PAK5: variants seen among roughly 807,000 people sequenced by gnomAD.
PAK5 encodes the protein serine/threonine-protein kinase PAK 5.
PAK5 carries 16 observed loss-of-function variants against 65.9 expected under a neutral mutation model. That is an observed-to-expected ratio of 0.24 (90% confidence interval 0.16 to 0.37). The LOEUF (loss-of-function observed/expected upper bound fraction) is 0.37, where lower values mean the gene tolerates loss of function less well. Ranked by LOEUF, PAK5 falls within the 10% of genes least tolerant of loss-of-function variation. The pLI is 1.00. For missense variants in PAK5, 785 were observed against 903.9 expected, an observed-to-expected ratio of 0.87 and a Z score of 1.69; for synonymous variants, 371 against 354.9, an observed-to-expected ratio of 1.05 and a Z score of -0.51.
intron 3 of PAK5, among the ~76,000 whole-genome samples, chr20:9,622,400 GGTACCCTAGTGGACATT>G (rs1473163319): frequency 2.0e-5 from 3 of 152,152 alleles, no homozygotes; most frequent in Admixed American, 1.3e-4. Context: ...GTATCTGGTA[GGTACCCTAGTGGACATT>G]TACATGATCA....
At chr20:9,794,555 T>C (rs371522376) in intron 1 of PAK5, among the ~76,000 whole-genome samples, 15 of 152,112 alleles carry the variant, frequency 9.9e-5, no homozygotes, top group African/African-American at 3.6e-4. Context: ...AACATTTAGT[T>C]AGAGAGCAAG....
chr20:9,773,198 G>C (rs1216690458), intron 1 of PAK5, among the ~76,000 whole-genome samples: 2 of 152,124 alleles, frequency 1.3e-5, no homozygotes, highest in Non-Finnish European at 2.9e-5. Flanking sequence ...ATCACAGAAA[G>C]AGAAGTGGCT....
chr20:9,584,124 G>A lies in PAK5; in HGVS notation c.205-3194C>T, dbSNP rs373397447. 5.4e-4 allele frequency among the ~76,000 whole-genome samples: 82 copies of A among 152,186 alleles called. 1 individual carries two copies. In the South Asian group the frequency reaches 0.016, roughly 30 times the overall value. ...ATATAACCTGGGACCTTTCCTCAGA[G>A]GAACAACATCCATCCTCACCCCACA... is the stretch of plus-strand genomic sequence containing the variant. On this transcript the variant is annotated intron_variant, in intron 3 of 9. Transcript: ENST00000353224.
chr20:9,628,517 C>A (rs970972070), intron 3 of PAK5, among the ~76,000 whole-genome samples: 3 of 152,194 alleles, frequency 2.0e-5, no homozygotes, highest in Non-Finnish European at 4.4e-5. Context: ...GCTTTCATAA[C>A]AAAATATTTA....
At position 9,588,408 on chromosome 20, in the gene PAK5, G is replaced by A. The variant is rs552059354; in HGVS notation, c.205-7478C>T. Reference sequence around the variant, plus strand: ...CTTTAAATAAAGCACACACTCTTCCGTTTCAATGAAAACTATTAGCTCAGT... The same window carrying A: ...CTTTAAATAAAGCACACACTCTTCCATTTCAATGAAAACTATTAGCTCAGT... On this transcript the variant is annotated intron_variant, in intron 3 of 9. Coordinates refer to ENST00000353224, the MANE Select transcript of PAK5 (RefSeq NM_177990.4). Among the ~76,000 whole-genome samples, 8 of 152,108 alleles carry A rather than the reference G, an allele frequency of 5.3e-5. No individual in the cohort carries two copies. In the South Asian group the frequency reaches 8.3e-4, roughly 16 times the overall value.
intron 1 of PAK5, among the ~76,000 whole-genome samples, chr20:9,783,935 A>G (rs1353949173): frequency 1.3e-5 from 2 of 152,212 alleles, no homozygotes; most frequent in Admixed American, 6.5e-5. Flanking sequence ...ATGCCATTCA[A>G]TACATTAATC....
chr20:9,801,574 T>C (rs2049169557), intron 1 of PAK5, among the ~76,000 whole-genome samples: 2 of 151,062 alleles, frequency 1.3e-5, no homozygotes, highest in Admixed American at 6.6e-5. Context: ...TTTAATAGAC[T>C]TTAATAGACT....
At chr20:9,766,478 T>C (rs1184600211) in intron 1 of PAK5, among the ~76,000 whole-genome samples, 2 of 61,622 alleles carry the variant, frequency 3.2e-5, no homozygotes, top group Admixed American at 1.7e-4. Flanking sequence ...TATATATGTA[T>C]ATATATATTC....
chr20:9,540,874 C>CT (rs1236380686), intron 9 of PAK5, among the ~76,000 whole-genome samples: 4 of 151,916 alleles, frequency 2.6e-5, no homozygotes, highest in African/African-American at 9.7e-5. Flanking sequence ...GTAGCTGGGA[C>CT]TACAGGCACC....
At chr20:9,605,787 G>A (rs917617950) in intron 3 of PAK5, among the ~76,000 whole-genome samples, 6 of 152,108 alleles carry the variant, frequency 3.9e-5, no homozygotes, top group Admixed American at 1.3e-4. Context: ...AAAATCAGCC[G>A]GGTGTGGTGG....
In PAK5 at chr20:9,568,122, C is replaced by T. The variant is rs60375217; in HGVS notation, c.991-1738G>A. Among the ~76,000 whole-genome samples the T allele has an allele frequency of 1.3e-3, 205 of 152,268 alleles. 2 individuals carry two copies. The East Asian group carries it at 0.033, about 25-fold the overall frequency. ...CAGATCATGAAGACCTTGGCAAAGA[C>T]GTTGGCTTTTGCTCCGAGTGAGGTG... On this transcript the variant is annotated intron_variant, in intron 4 of 9. Transcript: ENST00000353224.
At chr20:9,715,318 G>C (rs1375309264) in intron 1 of PAK5, among the ~76,000 whole-genome samples, 1 of 152,088 alleles carries the variant, frequency 6.6e-6, no homozygotes, top group Non-Finnish European at 1.5e-5. Flanking sequence ...CTGGCCATCA[G>C]AGAAATGCAA....
chr20:9,546,796 G>A (rs774823084), intron 7 of PAK5, among the ~76,000 whole-genome samples: 5 of 152,124 alleles, frequency 3.3e-5, no homozygotes, highest in Non-Finnish European at 5.9e-5. Flanking sequence ...AGTCAGTGGT[G>A]GAATACAGAG....
chr20:9,837,158 T>C (rs1488787290), intron 1 of PAK5, among the ~76,000 whole-genome samples: 1 of 152,246 alleles, frequency 6.6e-6, no homozygotes, highest in African/African-American at 2.4e-5. Flanking sequence ...AGGTTTTTAG[T>C]CTAAGGCCAG....
At chr20:9,649,569 G>T (rs1327617602) in intron 2 of PAK5, among the ~76,000 whole-genome samples, 1 of 152,208 alleles carries the variant, frequency 6.6e-6, no homozygotes, top group East Asian at 1.9e-4. Flanking sequence ...CCCTAACTTA[G>T]TGGGTTGCCC....
At chr20:9,612,754 G>A (rs935683346) in intron 3 of PAK5, among the ~76,000 whole-genome samples, 8 of 151,918 alleles carry the variant, frequency 5.3e-5, no homozygotes, top group South Asian at 2.1e-4. Context: ...CCCCAGAGGC[G>A]CTCCCTCAAC....
intron 3 of PAK5, among the ~76,000 whole-genome samples, chr20:9,627,351 A>G (rs2046858443): frequency 6.6e-6 from 1 of 152,184 alleles, no homozygotes; most frequent in Non-Finnish European, 1.5e-5. Context: ...TTTCCAGCCA[A>G]TGAGGTTTCC....
rs1307093579 is a variant in PAK5 at position 9,538,155 on chromosome 20, C to CA, written c.*1306dup. 10 of 233,282 alleles carry CA rather than the reference C, an allele frequency of 4.3e-5. No individual in the cohort carries two copies. The highest frequency in any genetic ancestry group is 6.8e-5 in the Non-Finnish European group (8 of 117,902). The allele number at this position is 233,282 out of a possible 1,614,324, so 14.5% of individuals were successfully genotyped here. ...ATGCAAATTCATCCAACAAGCAACACAAAATGTATTGTAGTAGTCATTCAT... is the reference window on the plus strand; with the variant it reads ...ATGCAAATTCATCCAACAAGCAACACAAAAATGTATTGTAGTAGTCATTCAT... On this transcript the variant is annotated 3_prime_UTR_variant, in exon 10 of 10. Transcript: ENST00000353224.
At chr20:9,596,635 C>CAAAAAAAAA (rs35576059) in intron 3 of PAK5, among the ~76,000 whole-genome samples, 2 of 52,816 alleles carry the variant, frequency 3.8e-5, no homozygotes, top group Non-Finnish European at 7.6e-5. Flanking sequence ...GACTCCGTCT[C>CAAAAAAAAA]AAAAAAAAAA....
Sources: allele counts gnomAD v4.1 joint callset (sites outside exome capture counted in the v4.1 genomes callset), GRCh38; gene constraint gnomAD v4.1.1; transcripts MANE v1.5; gene names NCBI Gene and HGNC (gene_info 2026-07-23, HGNC 2026-07-21).